Variants in CACNA1I observed in about 807,000 individuals in gnomAD.
CACNA1I encodes the protein voltage-dependent T-type calcium channel subunit alpha-1I.
Under a neutral mutation model 201.6 loss-of-function variants are expected in CACNA1I, and 74 were observed. That is an observed-to-expected ratio of 0.37 (90% CI 0.30 to 0.45). The LOEUF (loss-of-function observed/expected upper bound fraction) is 0.45. CACNA1I is among the 20% of genes least tolerant of loss of function. CACNA1I has a pLI of 1.00. For synonymous variants in CACNA1I, 1,431 were observed against 1,345.2 expected, an observed-to-expected ratio of 1.06 and a Z score of -1.40; for missense variants, 2,346 against 3,138.1, an observed-to-expected ratio of 0.75 and a Z score of 6.03.
At chr22:39,617,033 G>C (rs963662376) in intron 3 of CACNA1I, among the ~76,000 whole-genome samples, 1 of 152,150 alleles carries the variant, frequency 6.6e-6, no homozygotes, top group Non-Finnish European at 1.5e-5. Flanking sequence ...GCTTGCTCTG[G>C]TCCGGGGTGG....
At chr22:39,588,128 A>ATTT (rs35332612) in intron 1 of CACNA1I, among the ~76,000 whole-genome samples, 10,413 of 90,470 alleles carry the variant, frequency 0.12, 1,371 homozygotes, top group Non-Finnish European at 0.17. Flanking sequence ...GTTGCTCTTC[A>ATTT]TTTTTTTTTT....
intron 1 of CACNA1I, among the ~76,000 whole-genome samples, chr22:39,572,132 T>C (rs1468597364): frequency 2.0e-5 from 3 of 151,890 alleles, no homozygotes; most frequent in African/African-American, 4.8e-5. Flanking sequence ...GCATGAGGGA[T>C]GGGACTGTGC....
At chr22:39,620,274 TCCATACGTAC>T (rs1933708332) in intron 4 of CACNA1I, among the ~76,000 whole-genome samples, 1 of 47,540 alleles carries the variant, frequency 2.1e-5, no homozygotes, top group Non-Finnish European at 4.5e-5. Flanking sequence ...CATCCATCCA[TCCATACGTAC>T]ATACATACAT....
chr22:39,683,060 A>G (rs765433420), intron 35 of CACNA1I, among the ~76,000 whole-genome samples: 10 of 152,128 alleles, frequency 6.6e-5, no homozygotes, highest in Non-Finnish European at 1.2e-4. Flanking sequence ...CTTCATATAC[A>G]CGGGGATGTT....
At chr22:39,576,857 C>G (rs2145799490) in intron 1 of CACNA1I, among the ~76,000 whole-genome samples, 1 of 152,342 alleles carries the variant, frequency 6.6e-6, no homozygotes, top group Middle Eastern at 3.4e-3. Context: ...CTGACCGCGC[C>G]TTGCCCCTCT....
intron 1 of CACNA1I, among the ~76,000 whole-genome samples, chr22:39,590,305 G>A (rs549209019): frequency 6.6e-6 from 1 of 152,160 alleles, no homozygotes; most frequent in Non-Finnish European, 1.5e-5. Context: ...CCTGGCTGGG[G>A]GACCTTGAGG....
chr22:39,654,189 C>A (rs567024606), intron 10 of CACNA1I, among the ~76,000 whole-genome samples: 2 of 152,180 alleles, frequency 1.3e-5, no homozygotes, highest in African/African-American at 4.8e-5. Context: ...GGGTGAGCAG[C>A]GACAGAGCCG....
At chr22:39,587,128 C>T (rs1932762919) in intron 1 of CACNA1I, among the ~76,000 whole-genome samples, 1 of 152,206 alleles carries the variant, frequency 6.6e-6, no homozygotes, top group South Asian at 2.1e-4. Flanking sequence ...CCTGCCATTG[C>T]CTCCCCTACT....
At position 39,648,805 on chromosome 22, in the gene CACNA1I, C is replaced by G. The variant is rs1436116757; in HGVS notation, c.1568-696C>G. Among the ~76,000 whole-genome samples the G allele has an allele frequency of 6.6e-6, 1 of 152,120 alleles. No individual in the cohort carries two copies. Among genetic ancestry groups the G allele is most frequent in the Non-Finnish European group, 1.5e-5 (1 of 68,028 alleles). On this transcript the variant is annotated intron_variant, in intron 9 of 36. Coordinates refer to ENST00000402142, the MANE Select transcript of CACNA1I (RefSeq NM_021096.4). This position sits in a 1 kb window ranked among gnomAD's most constrained non-coding sequence, Gnocchi z 5.4. Reference sequence around the variant, plus strand: ...CACCTCTTTGAGATGGTTCACAGATCACAGAACTCAGTCCAGGGCCAGCCC... The same window carrying G: ...CACCTCTTTGAGATGGTTCACAGATGACAGAACTCAGTCCAGGGCCAGCCC...
At chr22:39,679,958 G>A in intron 33 of CACNA1I, 90 bp downstream of exon 33, 1 of 1,349,194 alleles carries the variant, frequency 7.4e-7, no homozygotes, top group Non-Finnish European at 1.0e-6. Context: ...CCTGGCTCTG[G>A]GCTGTAGAGA....
intron 4 of CACNA1I, among the ~76,000 whole-genome samples, chr22:39,626,803 G>T (rs2146402887): frequency 6.6e-6 from 1 of 152,276 alleles, no homozygotes; most frequent in East Asian, 1.9e-4. Flanking sequence ...CACCATGTTG[G>T]CCAGGATGGT....
intron 3 of CACNA1I, among the ~76,000 whole-genome samples, chr22:39,610,280 T>A (rs1318575942): frequency 6.6e-6 from 1 of 152,212 alleles, no homozygotes; most frequent in Non-Finnish European, 1.5e-5. Context: ...CGTGGAGGCA[T>A]CATTACATGT....
chr22:39,574,804 C>A (rs1211336505), intron 1 of CACNA1I, among the ~76,000 whole-genome samples: 1 of 152,176 alleles, frequency 6.6e-6, no homozygotes, highest in East Asian at 1.9e-4. Flanking sequence ...CTGGTGGGAG[C>A]TGCTGTCATG....
intron 1 of CACNA1I, among the ~76,000 whole-genome samples, chr22:39,588,025 C>T (rs1455062418): frequency 6.6e-6 from 1 of 152,074 alleles, no homozygotes; most frequent in Non-Finnish European, 1.5e-5. Context: ...ATCTGCCTGC[C>T]TTGGCCTCCC....
chr22:39,679,253 C>T lies in CACNA1I; in HGVS notation c.5202C>T (p.Asp1734=), dbSNP rs780538955. 4.0e-5 allele frequency: 64 copies of T among 1,590,272 alleles called. No homozygotes were observed. Among genetic ancestry groups the T allele is most frequent in the Middle Eastern group, 1.6e-4 (1 of 6,068 alleles). ...TGGCTGTGCTCATGAAGCACCTGGA[C>T]GACAGCAACAAGGAGGCGCAGGAGG... ...VVVAVLMKHL[D]DSNKEAQEDA... is the part of the protein sequence containing the mutation. The change falls in exon 32 of 37, where the codon GAC becomes GAT. Residue 1734 remains aspartate (D), a synonymous_variant. Coordinates refer to ENST00000402142, the MANE Select transcript of CACNA1I (RefSeq NM_021096.4).
At position 39,649,823 on chromosome 22, in the gene CACNA1I, A is replaced by C; in HGVS notation, c.1890A>C (p.Arg630=). The C allele has an allele frequency of 1.2e-6, 2 of 1,613,100 alleles. No individual in the cohort carries two copies. Among genetic ancestry groups the C allele is most frequent in the Non-Finnish European group, 1.7e-6 (2 of 1,179,630 alleles). ...WLCGDVWRET[R]AKLRGIVDSK... ...GCGGGGATGTGTGGCGGGAGACGCG[A>C]GCCAAGCTGCGCGGCATCGTGGACA... Residue 630 remains arginine (R), a synonymous_variant, in exon 10 of 37, where the codon CGA becomes CGC. Transcript: ENST00000402142. The surrounding 1 kb of genome is among the most constrained non-coding windows in gnomAD (Gnocchi z 7.3).
In CACNA1I at chr22:39,642,966, G is replaced by T. The variant is rs564313335; in HGVS notation, c.1149+77G>T. On this transcript the variant is annotated intron_variant, in intron 7 of 36. Coordinates refer to ENST00000402142, the MANE Select transcript of CACNA1I (RefSeq NM_021096.4). ...GGGGACCTGAGGAGGGAGGGTCTTT[G>T]GGAGTCCCTAGGGAGCCCCTCAGAG... 506 of 1,005,220 alleles carry T rather than the reference G, an allele frequency of 5.0e-4. 3 individuals are homozygous for T. In the African/African-American group the frequency reaches 7.7e-3, roughly 15 times the overall value. 62.3% of individuals were successfully genotyped at this position (1,005,220 alleles called of 1,614,324 possible).
chr22:39,592,617 G>A (rs1601800861), intron 1 of CACNA1I, among the ~76,000 whole-genome samples: 1 of 152,232 alleles, frequency 6.6e-6, no homozygotes, highest in Non-Finnish European at 1.5e-5. Context: ...GCTGTGAGAG[G>A]CAGTTGGGAG....
intron 5 of CACNA1I, among the ~76,000 whole-genome samples, chr22:39,636,143 G>A (rs1934213537): frequency 6.6e-6 from 1 of 152,218 alleles, no homozygotes; most frequent in Non-Finnish European, 1.5e-5. Context: ...AGGCAGGCTG[G>A]GAGCGAGAAC....
Sources: gnomAD v4.1 joint callset for allele counts (sites outside exome capture counted in the v4.1 genomes callset) on GRCh38, gnomAD v4.1.1 for gene constraint, Gnocchi (gnomAD v3.1) non-coding constraint, MANE v1.5 for transcripts, NCBI Gene and HGNC (gene_info 2026-07-23, HGNC 2026-07-21) for gene names.